The following PTPRD variants were observed in gnomAD, a reference collection of about 807,000 sequenced individuals.
The protein encoded by PTPRD is receptor-type tyrosine-protein phosphatase delta.
PTPRD carries 34 observed loss-of-function variants against 214.5 expected under a neutral mutation model. That is an observed-to-expected ratio of 0.16 (90% CI 0.12 to 0.21). The LOEUF is 0.21. Ranked by LOEUF, PTPRD falls within the 10% of genes least tolerant of loss-of-function variation. PTPRD has a pLI of 1.00. For missense variants in PTPRD, 2,545 were observed against 2,398.7 expected, an observed-to-expected ratio of 1.06 and a Z score of -1.27; for synonymous variants, 1,128 against 845.7, an observed-to-expected ratio of 1.33 and a Z score of -5.79.
intron 2 of PTPRD, among the ~76,000 whole-genome samples, chr9:10,503,725 T>C (rs2044697454): frequency 6.6e-6 from 1 of 151,900 alleles, no homozygotes; most frequent in South Asian, 2.1e-4. Context: ...GAATAGACTA[T>C]ATGGTGGGTG....
intron 12 of PTPRD, among the ~76,000 whole-genome samples, chr9:8,724,620 C>T (rs1334224579): frequency 1.3e-5 from 2 of 152,100 alleles, no homozygotes; most frequent in African/African-American, 4.8e-5. Context: ...GTTTATGGAG[C>T]CTTGTCTTAC....
chr9:9,860,406 T>C (rs1239938078), intron 5 of PTPRD, among the ~76,000 whole-genome samples: 1 of 152,236 alleles, frequency 6.6e-6, no homozygotes, highest in Admixed American at 6.5e-5. Flanking sequence ...AGTAGGTACA[T>C]TTGCCTTATG....
chr9:8,331,885 T>A (rs566689898), intron 43 of PTPRD, 149 bp from the exon 44 acceptor site: 3 of 886,078 alleles, frequency 3.4e-6, no homozygotes, highest in Non-Finnish European at 4.9e-6. Flanking sequence ...AACTTAGTTA[T>A]GGTTTATCTG....
intron 9 of PTPRD, among the ~76,000 whole-genome samples, chr9:9,284,648 C>T (rs573386366): frequency 1.9e-4 from 29 of 151,702 alleles, no homozygotes; most frequent in Non-Finnish European, 3.8e-4. Context: ...TCATTCCTCA[C>T]GAAGATATTT....
intron 11 of PTPRD, among the ~76,000 whole-genome samples, chr9:8,925,672 T>A (rs1287071024): frequency 6.9e-6 from 1 of 145,450 alleles, no homozygotes; most frequent in Admixed American, 7.3e-5. Flanking sequence ...TAAGCCAGTA[T>A]CTTGGATGCC....
chr9:8,616,527 G>C (rs2154295763), intron 14 of PTPRD, among the ~76,000 whole-genome samples: 1 of 152,200 alleles, frequency 6.6e-6, no homozygotes, highest in South Asian at 2.1e-4. Flanking sequence ...ACTGAATAAA[G>C]AATGATAACC....
At chr9:10,042,257 T>A (rs1387149334) in intron 3 of PTPRD, among the ~76,000 whole-genome samples, 1 of 151,958 alleles carries the variant, frequency 6.6e-6, no homozygotes, top group Non-Finnish European at 1.5e-5. Context: ...TTTGTTCCAT[T>A]TCTGCCATAC....
chr9:9,514,843 T>C (rs1277620120), intron 8 of PTPRD, among the ~76,000 whole-genome samples: 1 of 152,072 alleles, frequency 6.6e-6, no homozygotes, highest in Admixed American at 6.6e-5. Flanking sequence ...ACTCTGGAAA[T>C]AGCTCCAAAG....
At chr9:8,362,741 A>G (rs545088644) in intron 39 of PTPRD, among the ~76,000 whole-genome samples, 1 of 152,366 alleles carries the variant, frequency 6.6e-6, no homozygotes, top group Admixed American at 6.5e-5. Flanking sequence ...TCCTCTGAGA[A>G]GATGCCATTG....
At chr9:10,135,347 T>C (rs774260372) in intron 3 of PTPRD, among the ~76,000 whole-genome samples, 5 of 152,090 alleles carry the variant, frequency 3.3e-5, no homozygotes, top group African/African-American at 4.8e-5. Flanking sequence ...TCATTAGAGA[T>C]GCCAATATGC....
intron 2 of PTPRD, among the ~76,000 whole-genome samples, chr9:10,356,338 G>C (rs1378361599): frequency 6.6e-6 from 1 of 152,024 alleles, no homozygotes; most frequent in African/African-American, 2.4e-5. Context: ...ACCATGAAGG[G>C]ATACATAAGA....
intron 8 of PTPRD, among the ~76,000 whole-genome samples, chr9:9,558,195 C>T (rs2082008640): frequency 6.6e-6 from 1 of 152,180 alleles, no homozygotes; most frequent in Non-Finnish European, 1.5e-5. Context: ...ACCTCAAGAG[C>T]CAAGCAAGCC....
At chr9:10,511,987 T>TAC (rs1298777949) in intron 2 of PTPRD, among the ~76,000 whole-genome samples, 1 of 93,812 alleles carries the variant, frequency 1.1e-5, no homozygotes, top group African/African-American at 4.0e-5. Flanking sequence ...TATATATATA[T>TAC]ACGTGTGTGT....
chr9:8,831,382 C>A (rs1015115153), intron 11 of PTPRD, among the ~76,000 whole-genome samples: 1 of 152,154 alleles, frequency 6.6e-6, no homozygotes, highest in African/African-American at 2.4e-5. Context: ...TGGCTTGCTT[C>A]CATTACACCA....
At chr9:8,452,562 A>G (rs1371716913) in intron 33 of PTPRD, among the ~76,000 whole-genome samples, 2 of 152,268 alleles carry the variant, frequency 1.3e-5, no homozygotes, top group Non-Finnish European at 2.9e-5. Flanking sequence ...AGAATAATGA[A>G]TAGAAACAGA....
intron 8 of PTPRD, among the ~76,000 whole-genome samples, chr9:9,401,206 C>G (rs1210470350): frequency 6.6e-6 from 1 of 152,000 alleles, no homozygotes; most frequent in African/African-American, 2.4e-5. Context: ...CAATGAAATT[C>G]TTATGAGTTT....
chr9:10,535,394 T>C (rs2057511944), intron 2 of PTPRD, among the ~76,000 whole-genome samples: 1 of 152,184 alleles, frequency 6.6e-6, no homozygotes, highest in Admixed American at 6.6e-5. Flanking sequence ...GATTTGGGGC[T>C]GATTCATTAG....
intron 8 of PTPRD, among the ~76,000 whole-genome samples, chr9:9,472,910 G>T (rs905636124): frequency 6.6e-6 from 1 of 152,126 alleles, no homozygotes; most frequent in African/African-American, 2.4e-5. Flanking sequence ...TATACAAGGT[G>T]TAATAATCAA....
At chr9:8,333,601 T>C (rs1007424387) in intron 43 of PTPRD, among the ~76,000 whole-genome samples, 2 of 152,036 alleles carry the variant, frequency 1.3e-5, no homozygotes, top group Non-Finnish European at 1.5e-5. Flanking sequence ...TGCAAAAACA[T>C]ACCAAATTGT....
Sources: gnomAD v4.1 joint callset for allele counts (sites outside exome capture counted in the v4.1 genomes callset) on GRCh38, gnomAD v4.1.1 for gene constraint, MANE v1.5 for transcripts, NCBI Gene and HGNC (gene_info 2026-07-23, HGNC 2026-07-21) for gene names.